Variants in NCLN observed in about 807,000 individuals in gnomAD.
NCLN encodes the protein nicalin.
A neutral mutation model predicts 69.5 loss-of-function variants in NCLN; 34 were observed. The observed-to-expected ratio is 0.49, with a 90% CI of 0.37 to 0.65. The LOEUF (loss-of-function observed/expected upper bound fraction) is 0.65, where lower values mean the gene tolerates loss of function less well. Among genes scored for constraint, NCLN ranks in the 30% least tolerant of loss-of-function variants. The probability of loss-of-function intolerance (pLI) is 0.00; values close to 1 mark genes in which losing one functional copy is unlikely to be tolerated. For missense variants in NCLN, 710 were observed against 804.8 expected, an observed-to-expected ratio of 0.88 and a Z score of 1.42; for synonymous variants, 393 against 358.3, an observed-to-expected ratio of 1.10 and a Z score of -1.09.
chr19:3,198,858 C>T lies in NCLN; in HGVS notation c.657C>T (p.Ile219=), dbSNP rs748847743. 95 of 1,567,624 alleles carry T rather than the reference C, an allele frequency of 6.1e-5. No individual in the cohort carries two copies. The highest frequency in any genetic ancestry group is 7.9e-5 in the Non-Finnish European group (91 of 1,157,286). The part of the protein sequence containing the change: ...TGLGGEDLPT[I]VIVAHYDAFG... ...TGGGCGGAGAGGACCTTCCCACCAT[C>T]GTCATCGTGGCCCACTACGACGCCT... Residue 219 remains isoleucine (I), a synonymous_variant, in exon 5 of 15, where the codon ATC becomes ATT. Coordinates refer to ENST00000246117, the MANE Select transcript of NCLN (RefSeq NM_020170.4).
intron 8 of NCLN, among the ~76,000 whole-genome samples, chr19:3,204,355 C>A (rs1916205543): frequency 6.6e-6 from 1 of 151,972 alleles, no homozygotes; most frequent in Admixed American, 6.5e-5. Context: ...CAGGGCCGGG[C>A]TGGGGTGTCC....
In NCLN at chr19:3,192,398, T is replaced by C. The variant is rs1343214387; in HGVS notation, c.185-72T>C. The C allele has an allele frequency of 5.3e-6, 7 of 1,325,870 alleles. No homozygotes were observed. The South Asian group carries it at 1.0e-4, about 19-fold the overall frequency. The allele number at this position is 1,325,870 out of a possible 1,614,324, so 82.1% of individuals were successfully genotyped here. ...GGGCTGGGGCTGCTGAGTGGGTCCC[T>C]GGCCTGGATCTGTCCCCTCCCGTCG... On this transcript the variant is annotated intron_variant, in intron 1 of 14. Coordinates refer to ENST00000246117, the MANE Select transcript of NCLN (RefSeq NM_020170.4).
chr19:3,190,668 G>A (rs926952288), intron 1 of NCLN, among the ~76,000 whole-genome samples: 1 of 152,160 alleles, frequency 6.6e-6, no homozygotes, highest in African/African-American at 2.4e-5. Context: ...CGCTGGAGTC[G>A]GTCCTGGGCA....
intron 1 of NCLN, among the ~76,000 whole-genome samples, chr19:3,187,149 T>C (rs992663721): frequency 3.3e-5 from 5 of 152,080 alleles, no homozygotes; most frequent in African/African-American, 1.2e-4. Context: ...CCTCTTCCCT[T>C]TCCAAATTCG....
rs565392988 is a variant in NCLN, at chr19:3,196,713, CAA to C, written c.615+437_615+438del. On this transcript the variant is annotated intron_variant, in intron 4 of 14. Coordinates refer to ENST00000246117, the MANE Select transcript of NCLN (RefSeq NM_020170.4). ...GAGCACCCCGGGATATCAGCAGAGT[CAA>C]GAGAGGGTGGGGAGCTGCCGGTGCG... 5.3e-5 allele frequency among the ~76,000 whole-genome samples: 8 copies of C among 152,348 alleles called. 1 individual carries two copies. The South Asian group carries it at 8.3e-4, about 16-fold the overall frequency.
intron 4 of NCLN, among the ~76,000 whole-genome samples, chr19:3,197,369 C>T (rs1915991408): frequency 6.6e-6 from 1 of 152,254 alleles, no homozygotes; most frequent in Non-Finnish European, 1.5e-5. Context: ...AGCAAGTAGA[C>T]TCCCACAGCC....
Position 3,192,503 on chromosome 19 carries a change from G to T in NCLN, c.218G>T (p.Arg73Leu). The T allele has an allele frequency of 6.2e-7, 1 of 1,607,086 alleles. No homozygotes were observed. The highest frequency in any genetic ancestry group is 1.1e-5 in the South Asian group (1 of 90,342). Residue 73 changes from arginine to leucine, a missense_variant, in exon 2 of 15, where the codon CGC becomes CTC. By Grantham distance (102) the Arg-to-Leu change is moderately radical. Coordinates refer to ENST00000246117, the MANE Select transcript of NCLN (RefSeq NM_020170.4). ...AATGCAGTGCTGAACACGGAGGCGC[G>T]CACGATGGCGGCGGAGGTGCTGAGC... is the stretch of plus-strand genomic sequence containing the variant. The part of the protein sequence containing the change: ...TRNAVLNTEA[R>L]TMAAEVLSRR...
At chr19:3,186,363 A>G in intron 1 of NCLN, 149 bp downstream of exon 1, 1 of 928,848 alleles carries the variant, frequency 1.1e-6, no homozygotes, top group Non-Finnish European at 1.5e-6. Context: ...GCCGCCCTGG[A>G]CCCCCGGGCG....
At chr19:3,191,937 C>T (rs1915836756) in intron 1 of NCLN, among the ~76,000 whole-genome samples, 1 of 152,106 alleles carries the variant, frequency 6.6e-6, no homozygotes, top group South Asian at 2.1e-4. Flanking sequence ...GCCTGAAATC[C>T]CTGAACTTTG....
At chr19:3,190,928 A>G (rs1325865137) in intron 1 of NCLN, among the ~76,000 whole-genome samples, 3 of 152,156 alleles carry the variant, frequency 2.0e-5, no homozygotes, top group Non-Finnish European at 4.4e-5. Flanking sequence ...CCGTGTCCCC[A>G]GCTGAACGTG....
At position 3,207,764 on chromosome 19, in the gene NCLN, C is replaced by A; in HGVS notation, c.*76C>A. On this transcript the variant is annotated 3_prime_UTR_variant, in exon 15 of 15. Coordinates refer to ENST00000246117, the MANE Select transcript of NCLN (RefSeq NM_020170.4). ...CGAGCACGAGTGAGTGGACACTGCC[C>A]CGCCGCGGGCGGCCCTGCAGGGACA... The A allele has an allele frequency of 1.5e-6, 2 of 1,350,942 alleles. No homozygotes were observed. The highest frequency in any genetic ancestry group is 2.1e-6 in the Non-Finnish European group (2 of 949,326). The allele number at this position is 1,350,942 out of a possible 1,614,324, so 83.7% of individuals were successfully genotyped here.
At chr19:3,196,091 C>T (rs577813108) in intron 3 of NCLN, 92 bp from the exon 4 acceptor site, 24 of 865,298 alleles carry the variant, frequency 2.8e-5, no homozygotes, top group South Asian at 1.6e-4. Flanking sequence ...TGGCTCTGCC[C>T]GAGCCCCCAA....
rs551183987 is a variant in NCLN, at chr19:3,199,662, C to T, written c.696+765C>T. Among the ~76,000 whole-genome samples the T allele has an allele frequency of 7.0e-5, 10 of 143,866 alleles. No homozygotes were observed. In the South Asian group the frequency reaches 1.8e-3, roughly 26 times the overall value. The allele number at this position is 143,866 out of a possible 152,430, so 94.4% of individuals were successfully genotyped here. A position where few individuals can be genotyped will look rare whatever the true frequency, so the allele number is the denominator to read the frequency against. ...GAGTGGGGTGGGGGGGCATGTACCA[C>T]GGTGTCAACCAGCACCCTGCCTCCT... On this transcript the variant is annotated intron_variant, in intron 5 of 14. Coordinates refer to ENST00000246117, the MANE Select transcript of NCLN (RefSeq NM_020170.4).
intron 5 of NCLN, among the ~76,000 whole-genome samples, chr19:3,201,051 C>T (rs1916112831): frequency 6.6e-6 from 1 of 152,116 alleles, no homozygotes; most frequent in African/African-American, 2.4e-5. Context: ...CATCCAAGGG[C>T]GGGAAGGGCA....
chr19:3,195,156 C>T (rs564353673), intron 3 of NCLN, among the ~76,000 whole-genome samples: 6 of 147,326 alleles, frequency 4.1e-5, no homozygotes, highest in South Asian at 4.5e-4. Context: ...CACTCCAGCC[C>T]GGGTGACAGT....
chr19:3,199,107 G>T (rs1255934156), intron 5 of NCLN, among the ~76,000 whole-genome samples: 1 of 152,230 alleles, frequency 6.6e-6, no homozygotes, highest in African/African-American at 2.4e-5. Flanking sequence ...GGGGTCGCAG[G>T]TTCCAGGGCA....
intron 4 of NCLN, among the ~76,000 whole-genome samples, chr19:3,198,541 A>C (rs1399357510): frequency 1.3e-5 from 2 of 150,856 alleles, no homozygotes; most frequent in Non-Finnish European, 2.9e-5. Context: ...AAAAAAAAAA[A>C]ACTTATTCTC....
At chr19:3,195,609 A>C (rs1200816822) in intron 3 of NCLN, among the ~76,000 whole-genome samples, 1 of 151,912 alleles carries the variant, frequency 6.6e-6, no homozygotes, top group African/African-American at 2.4e-5. Context: ...CTTTCTTATT[A>C]TCTTTTATTT....
chr19:3,197,825 T>C (rs1916008058), intron 4 of NCLN, among the ~76,000 whole-genome samples: 1 of 152,224 alleles, frequency 6.6e-6, no homozygotes, highest in African/African-American at 2.4e-5. Flanking sequence ...TTCACCATGC[T>C]GGCCAGGCTG....
Sources: allele counts gnomAD v4.1 joint callset (sites outside exome capture counted in the v4.1 genomes callset), GRCh38; gene constraint gnomAD v4.1.1; transcripts MANE v1.5; gene names NCBI Gene and HGNC (gene_info 2026-07-23, HGNC 2026-07-21).